AHCY: variants seen among roughly 807,000 people sequenced by gnomAD.
AHCY encodes S-adenosyl-L-homocysteine hydrolase.
A neutral mutation model predicts 45.4 loss-of-function variants in AHCY; 24 were observed. That is an observed-to-expected ratio of 0.53 (90% CI 0.38 to 0.74). AHCY has a LOEUF of 0.74. Among genes scored for constraint, AHCY ranks in the 30% least tolerant of loss-of-function variants. The pLI is 0.00. For synonymous variants in AHCY, 245 were observed against 235.1 expected (o/e 1.04, Z -0.39); for missense variants, 449 against 594.1 (o/e 0.76, Z 2.54).
chr20:34,302,361 T>C (rs1055691309), intron 1 of AHCY: 2 of 158,252 alleles, frequency 1.3e-5, no homozygotes, highest in East Asian at 1.9e-4. Flanking sequence ...TTGCTGAAAA[T>C]TCACTAGGAT....
At chr20:34,274,664 G>A in the AHCY span, among the ~76,000 whole-genome samples, 3 of 152,100 alleles carry the variant, frequency 2.0e-5, no homozygotes, top group African/African-American at 7.2e-5. Context: ...AATCAAGAGG[G>A]GCTGGGGTAT....
chr20:34,310,885 G>C lies in AHCY; in HGVS notation c.-57+587C>G, dbSNP rs1203115477. On this transcript the variant is annotated intron_variant, in intron 1 of 9. Coordinates refer to the AHCY transcript ENST00000538132. ...TCATGTCTGTAATCCCAGCACTTTG[G>C]AAGGCTGATTCGGGCGGGTCACCTG... 1.3e-5 allele frequency among the ~76,000 whole-genome samples: 2 copies of C among 152,060 alleles called. 1 individual carries two copies. Among genetic ancestry groups the C allele is most frequent in the Non-Finnish European group, 2.9e-5 (2 of 68,026 alleles).
chr20:34,285,919 T>G, intron 8 of AHCY: 2 of 397,694 alleles, frequency 5.0e-6, no homozygotes, highest in Non-Finnish European at 9.4e-6. Context: ...GCCAACACAG[T>G]GAAAGCCCGT....
chr20:34,310,070 T>C (rs554200026), intron 1 of AHCY, among the ~76,000 whole-genome samples: 8 of 152,036 alleles, frequency 5.3e-5, no homozygotes, highest in Non-Finnish European at 1.0e-4. Flanking sequence ...AATTTTTTTT[T>C]TGAGACAGAG....
At chr20:34,289,187 T>C (rs1378084229) in intron 8 of AHCY, among the ~76,000 whole-genome samples, 1 of 151,932 alleles carries the variant, frequency 6.6e-6, no homozygotes, top group African/African-American at 2.4e-5. Flanking sequence ...TGTTTGTTTG[T>C]TTTTGAGACA....
chr20:34,244,692 C>T, the AHCY span, among the ~76,000 whole-genome samples: 1 of 152,186 alleles, frequency 6.6e-6, no homozygotes, highest in Non-Finnish European at 1.5e-5. Context: ...CTAATGTCTT[C>T]TAATGTCAAA....
the AHCY span, among the ~76,000 whole-genome samples, chr20:34,270,355 C>G: frequency 6.6e-6 from 1 of 152,270 alleles, no homozygotes. Flanking sequence ...ACACACACCC[C>G]CACACAGGAA....
chr20:34,235,872 A>G, the AHCY span, among the ~76,000 whole-genome samples: 4 of 69,278 alleles, frequency 5.8e-5, no homozygotes, highest in African/African-American at 2.8e-4. Context: ...AAGGAAAGGA[A>G]GGAAGGAAGG....
intron 1 of AHCY, chr20:34,302,451 C>T (rs1333428520): frequency 3.5e-6 from 1 of 289,578 alleles, no homozygotes; most frequent in African/African-American, 2.3e-5. Flanking sequence ...CAATCTTGCT[C>T]CATCACCACC....
the AHCY span, among the ~76,000 whole-genome samples, chr20:34,253,116 AT>A: frequency 1.5e-4 from 22 of 143,096 alleles, no homozygotes; most frequent in Admixed American, 2.8e-4. Context: ...TTTTTTTTTT[AT>A]TTTTTTTTTA....
At position 34,290,299 on chromosome 20, in the gene AHCY, G is replaced by T. The variant is rs1408084101; in HGVS notation, c.972+33C>A. The T allele has an allele frequency of 3.1e-6, 5 of 1,601,032 alleles. No individual in the cohort carries two copies. The highest frequency in any genetic ancestry group is 3.4e-6 in the Non-Finnish European group (4 of 1,169,644). Reference sequence around the variant, plus strand: ...CCAGCACTCCTCTGCACTCCCATCTGCCCAGCCCACTGGCAAGGCGGGAGC... The same window carrying T: ...CCAGCACTCCTCTGCACTCCCATCTTCCCAGCCCACTGGCAAGGCGGGAGC... On this transcript the variant is annotated intron_variant, in intron 8 of 9. Transcript: ENST00000217426. This position sits in a 1 kb window ranked among gnomAD's most constrained non-coding sequence, Gnocchi z 4.5.
the AHCY span, among the ~76,000 whole-genome samples, chr20:34,257,042 TTCTTTCTTTCTCTCTC>T: frequency 2.7e-5 from 4 of 150,232 alleles, no homozygotes; most frequent in African/African-American, 9.9e-5. Flanking sequence ...TTCTTTCTTT[TTCTTTCTTTCTCTCTC>T]TCTTTCTTTC....
intron 1 of AHCY, chr20:34,302,218 C>A (rs528076135): frequency 3.3e-4 from 53 of 158,592 alleles, no homozygotes; most frequent in Middle Eastern, 3.2e-3. Flanking sequence ...CCAGGCTGGT[C>A]TCGAACTCTT....
At position 34,293,212 on chromosome 20, in the gene AHCY, C is replaced by T. The variant is rs370364373; in HGVS notation, c.296-705G>A. On this transcript the variant is annotated intron_variant, in intron 3 of 9. Transcript: ENST00000217426. ...GAGGAGCTAAGACGCACTTGGGCCACTCTAAATGAAATTCCAGAATAGACA... is the reference window on the plus strand; with the variant it reads ...GAGGAGCTAAGACGCACTTGGGCCATTCTAAATGAAATTCCAGAATAGACA... Among the ~76,000 whole-genome samples the T allele has an allele frequency of 3.3e-4, 50 of 152,186 alleles. No homozygotes were observed. In the South Asian group the frequency reaches 0.01, roughly 32 times the overall value.
At chr20:34,275,933 T>C (rs1340493097), downstream of AHCY, among the ~76,000 whole-genome samples, 1 of 151,984 alleles carries the variant, frequency 6.6e-6, no homozygotes, top group African/African-American at 2.4e-5. Context: ...TCAGGTGATC[T>C]GCCCACCTTG....
chr20:34,289,191 T>C lies in AHCY; in HGVS notation c.972+1141A>G, dbSNP rs1238836415. Among the ~76,000 whole-genome samples, 3 of 152,024 alleles carry C rather than the reference T, an allele frequency of 2.0e-5. No homozygotes were observed. The East Asian group carries it at 5.8e-4, about 29-fold the overall frequency. On this transcript the variant is annotated intron_variant, in intron 8 of 9. Coordinates refer to ENST00000217426, the MANE Select transcript of AHCY (RefSeq NM_000687.4). ...GCTGATTTTTTTGTTTGTTTGTTTT[T>C]GAGACAGAGTCTCGCACTGTCACCC...
At chr20:34,259,160 A>C in the AHCY span, among the ~76,000 whole-genome samples, 373 of 151,594 alleles carry the variant, frequency 2.5e-3, 2 homozygotes, top group East Asian at 0.028. Flanking sequence ...CAGTGGCCCA[A>C]GATTGTGCCA....
chr20:34,269,509 C>T, the AHCY span, among the ~76,000 whole-genome samples: 1 of 152,090 alleles, frequency 6.6e-6, no homozygotes, highest in African/African-American at 2.4e-5. Flanking sequence ...ACGAGGCTAT[C>T]CCCTGCCTTT....
At chr20:34,293,981 T>C in intron 3 of AHCY, 100 bp downstream of exon 3, 1 of 1,260,210 alleles carries the variant, frequency 7.9e-7, no homozygotes, top group Non-Finnish European at 1.1e-6. Flanking sequence ...CTCCTCTCCC[T>C]TTCTGATATG....
Sources: gnomAD v4.1 joint callset for allele counts (sites outside exome capture counted in the v4.1 genomes callset) on GRCh38, gnomAD v4.1.1 for gene constraint, Gnocchi (gnomAD v3.1) non-coding constraint, MANE v1.5 for transcripts, NCBI Gene and HGNC (gene_info 2026-07-23, HGNC 2026-07-21) for gene names.